Variants in STX16 observed in about 807,000 individuals in gnomAD.
STX16 encodes syntaxin-16.
Under a neutral mutation model 42.7 loss-of-function variants are expected in STX16, and 28 were observed. The ratio of observed to expected loss-of-function variants is 0.66; its 90% confidence interval spans 0.49 to 0.90. The LOEUF is 0.90. Ranked by LOEUF, STX16 falls within the 40% of genes least tolerant of loss-of-function variation. The pLI, the probability that STX16 is intolerant of heterozygous loss-of-function variation, is 0.00. For synonymous variants in STX16, 156 were observed against 155.2 expected, an observed-to-expected ratio of 1.00 and a Z score of -0.04; for missense variants, 361 against 420.9, an observed-to-expected ratio of 0.86 and a Z score of 1.24.
chr20:58,669,452 A>C lies in STX16; in HGVS notation c.555A>C (p.Lys185Asn). ...SFRHAQSGYLKRMKNREERSQ... is the reference protein window; with the variant it reads ...SFRHAQSGYLNRMKNREERSQ... ...GGCACGCACAGTCAGGCTACCTCAA[A>C]CGTGAGTGCTGCCCGGGCCTAGTGA... Residue 185 changes from lysine (K) to asparagine (N), a missense_variant and splice_region_variant, in exon 5 of 9, where the codon AAA becomes AAC. Physicochemically the swap from Lys to Asn is moderately conservative, Grantham distance 94. Coordinates refer to ENST00000371141, the MANE Select transcript of STX16 (RefSeq NM_001001433.3). 6.2e-7 allele frequency: 1 copy of C among 1,608,350 alleles called. No individual in the cohort carries two copies. Among genetic ancestry groups the C allele is most frequent in the Non-Finnish European group, 8.5e-7 (1 of 1,178,410 alleles).
rs1280835918 is a variant in STX16, at chr20:58,678,866, T to C, written c.*2575T>C. On this transcript the variant is annotated 3_prime_UTR_variant, in exon 9 of 9. Coordinates refer to ENST00000371141, the MANE Select transcript of STX16 (RefSeq NM_001001433.3). ...TTTCCCTTTACTCGCTGGCAGCCAT[T>C]GTCTGTGGGCACCTCATGTTTTTCC... 1 of 152,266 alleles carries C rather than the reference T, an allele frequency of 6.6e-6. No homozygotes were observed. The highest frequency in any genetic ancestry group is 1.5e-5 in the Non-Finnish European group (1 of 68,114). The allele number at this position is 152,266 out of a possible 1,614,324, so 9.4% of individuals were successfully genotyped here.
intron 5 of STX16, among the ~76,000 whole-genome samples, chr20:58,670,052 C>T (rs1485404564): frequency 3.3e-5 from 5 of 152,178 alleles, no homozygotes; most frequent in Non-Finnish European, 7.3e-5. Flanking sequence ...CCACATACTC[C>T]AAAAAACCTA....
At chr20:58,669,161 T>C (rs2083908959) in intron 4 of STX16, 130 bp from the exon 5 acceptor site, 1 of 921,738 alleles carries the variant, frequency 1.1e-6, no homozygotes, top group East Asian at 2.6e-5. Context: ...TCCTTTTATC[T>C]GTTCACCTTT....
rs779010052 is a variant in STX16, at chr20:58,676,332, C to T, written c.*41C>T. On this transcript the variant is annotated 3_prime_UTR_variant, in exon 9 of 9. Coordinates refer to ENST00000371141, the MANE Select transcript of STX16 (RefSeq NM_001001433.3). Reference sequence around the variant, plus strand: ...CGTGTGTGCCGCGCGTGTGGATCTCCCGGGTGTGAGGGGCTTGGCCTGCGC... The same window carrying T: ...CGTGTGTGCCGCGCGTGTGGATCTCTCGGGTGTGAGGGGCTTGGCCTGCGC... The T allele has an allele frequency of 2.3e-5, 36 of 1,569,670 alleles. 1 individual carries two copies. The South Asian group carries it at 3.9e-4, about 17-fold the overall frequency.
intron 1 of STX16, among the ~76,000 whole-genome samples, chr20:58,655,986 T>A (rs1425462039): frequency 6.6e-6 from 1 of 152,158 alleles, no homozygotes; most frequent in Non-Finnish European, 1.5e-5. Flanking sequence ...TTGGCCTCAG[T>A]TTTGAGTGCC....
In STX16 at chr20:58,669,458, GTGC is replaced by G. The variant is rs2083919398; in HGVS notation, c.556+9_556+11del. The G allele has an allele frequency of 6.2e-7, 1 of 1,602,418 alleles. No individual in the cohort carries two copies. Among genetic ancestry groups the G allele is most frequent in the Non-Finnish European group, 8.5e-7 (1 of 1,177,026 alleles). The stretch of plus-strand genomic sequence containing the variant: ...CACAGTCAGGCTACCTCAAACGTGA[GTGC>G]TGCCCGGGCCTAGTGAAGGGATTTT... On this transcript the variant is annotated splice_donor_region_variant and intron_variant, in intron 5 of 8. Transcript: ENST00000371141.
At chr20:58,662,744 T>C (rs1183417734) in intron 2 of STX16, among the ~76,000 whole-genome samples, 1 of 152,152 alleles carries the variant, frequency 6.6e-6, no homozygotes, top group African/African-American at 2.4e-5. Context: ...CTCAGGCTGG[T>C]CTCGAACTCC....
chr20:58,656,078 T>C (rs776544323), intron 1 of STX16, among the ~76,000 whole-genome samples: 46 of 152,220 alleles, frequency 3.0e-4, no homozygotes, highest in Non-Finnish European at 5.9e-4. Flanking sequence ...GCCTAAGTCC[T>C]GTTCTGCTGC....
At chr20:58,670,143 CA>C (rs1417189607) in intron 5 of STX16, among the ~76,000 whole-genome samples, 52 of 152,168 alleles carry the variant, frequency 3.4e-4, no homozygotes, top group African/African-American at 1.1e-3. Context: ...ATATGGAATT[CA>C]TACTAGAGAT....
Position 58,670,882 on chromosome 20 carries a change from G to A in STX16, c.649-272G>A, listed in dbSNP as rs548582868. Among the ~76,000 whole-genome samples, 11 of 152,296 alleles carry A rather than the reference G, an allele frequency of 7.2e-5. No homozygotes were observed. The East Asian group carries it at 2.1e-3, about 29-fold the overall frequency. ...CCCAGAGAAACAGAGGGCTATCCCG[G>A]GGGTTTTGTTTATCTGCCCTTGTGG... On this transcript the variant is annotated intron_variant, in intron 6 of 8. Transcript: ENST00000371141.
Position 58,668,040 on chromosome 20 carries a change from T to C in STX16, c.306T>C (p.Leu102=). 6.2e-7 allele frequency: 1 copy of C among 1,614,206 alleles called. No individual in the cohort carries two copies. Among genetic ancestry groups the C allele is most frequent in the Non-Finnish European group, 8.5e-7 (1 of 1,180,036 alleles). The part of the protein sequence containing the change: ...IKQKMKELAS[L]HDKHLNRPTL... ...AGAAGATGAAAGAATTGGCCAGCCT[T>C]CATGACAAGCATTTAAACAGACCCA... Residue 102 remains leucine (L), a synonymous_variant, in exon 4 of 9, where the codon CTT becomes CTC. Transcript: ENST00000371141.
rs1350278199 is a variant in STX16, at chr20:58,679,152, T to G, written c.*2861T>G. 6.6e-6 allele frequency: 1 copy of G among 152,300 alleles called. No homozygotes were observed. Among genetic ancestry groups the G allele is most frequent in the African/African-American group, 2.4e-5 (1 of 41,454 alleles). 9.4% of individuals were successfully genotyped at this position (152,300 alleles called of 1,614,324 possible). Reference sequence around the variant, plus strand: ...TAACTGAAAACTGCTGTCTCTTGTTTTGTTCGTTTTGGGGGTGGTGGTGCT... The same window carrying G: ...TAACTGAAAACTGCTGTCTCTTGTTGTGTTCGTTTTGGGGGTGGTGGTGCT... On this transcript the variant is annotated 3_prime_UTR_variant, in exon 9 of 9. Transcript: ENST00000371141.
chr20:58,672,623 TTAA>T (rs903841425), intron 7 of STX16, among the ~76,000 whole-genome samples: 16 of 152,162 alleles, frequency 1.1e-4, no homozygotes, highest in African/African-American at 3.6e-4. Context: ...TATAAGAATA[TTAA>T]TAAATCTTTT....
At chr20:58,672,840 G>A (rs766886253) in intron 7 of STX16, among the ~76,000 whole-genome samples, 5 of 152,230 alleles carry the variant, frequency 3.3e-5, no homozygotes, top group African/African-American at 7.2e-5. Flanking sequence ...GTTGTTCACC[G>A]TTAAAATCTG....
intron 1 of STX16, among the ~76,000 whole-genome samples, chr20:58,652,460 T>C (rs1048120663): frequency 4.9e-5 from 7 of 143,674 alleles, no homozygotes; most frequent in East Asian, 2.2e-4. Flanking sequence ...TTGGGAAGCA[T>C]TGGGCCTTTC....
chr20:58,676,175 C>T lies in STX16; in HGVS notation c.874-12C>T, dbSNP rs1449095211. On this transcript the variant is annotated splice_polypyrimidine_tract_variant and intron_variant, in intron 8 of 8. Coordinates refer to ENST00000371141, the MANE Select transcript of STX16 (RefSeq NM_001001433.3). ...GGAAAATGACGGCCTTTTTTCCCTC[C>T]TCTTTTTGTAGGCAGAACAGTATCA... 1.2e-6 allele frequency: 2 copies of T among 1,609,944 alleles called. No individual in the cohort carries two copies. Among genetic ancestry groups the T allele is most frequent in the East Asian group, 2.2e-5 (1 of 44,864 alleles).
chr20:58,667,589 G>A lies in STX16; in HGVS notation c.244G>A (p.Val82Met). ...GCCACCTCCTAAGTGGGTGGATGGAGTGGATGAAGTAAGTTCCATGTTAGT... is the reference window on the plus strand; with the variant it reads ...GCCACCTCCTAAGTGGGTGGATGGAATGGATGAAGTAAGTTCCATGTTAGT... ...KRPPPKWVDG[V>M]DEIQYDVGRI... Residue 82 changes from valine to methionine, a missense_variant, in exon 3 of 9, where the codon GTG (valine) becomes ATG (methionine). Physicochemically the swap from Val to Met is conservative, Grantham distance 21 (BLOSUM62 1). Coordinates refer to ENST00000371141, the MANE Select transcript of STX16 (RefSeq NM_001001433.3). The A allele has an allele frequency of 6.2e-7, 1 of 1,613,370 alleles. No individual in the cohort carries two copies. The highest frequency in any genetic ancestry group is 8.5e-7 in the Non-Finnish European group (1 of 1,179,342).
chr20:58,669,451 A>C lies in STX16; in HGVS notation c.554A>C (p.Lys185Thr), dbSNP rs755894190. Residue 185 changes from lysine to threonine, a missense_variant and splice_region_variant, in exon 5 of 9, where the codon AAA becomes ACA. Lys to Thr is a moderately conservative substitution (Grantham distance 78). Coordinates refer to ENST00000371141, the MANE Select transcript of STX16 (RefSeq NM_001001433.3). ...CGGCACGCACAGTCAGGCTACCTCA[A>C]ACGTGAGTGCTGCCCGGGCCTAGTG... ...SFRHAQSGYL[K>T]RMKNREERSQ... 6.2e-7 allele frequency: 1 copy of C among 1,608,736 alleles called. No homozygotes were observed. The highest frequency in any genetic ancestry group is 8.5e-7 in the Non-Finnish European group (1 of 1,178,560).
chr20:58,663,084 G>C (rs1234784530), intron 2 of STX16, among the ~76,000 whole-genome samples: 4 of 152,198 alleles, frequency 2.6e-5, no homozygotes, highest in African/African-American at 9.6e-5. Flanking sequence ...TTGATTTTCA[G>C]TGTCCCTTCT....
Sources: allele counts gnomAD v4.1 joint callset (sites outside exome capture counted in the v4.1 genomes callset), GRCh38; gene constraint gnomAD v4.1.1; transcripts MANE v1.5; gene names NCBI Gene and HGNC (gene_info 2026-07-23, HGNC 2026-07-21).